The following SOHLH2 variants were observed in gnomAD, a reference collection of about 807,000 sequenced individuals.
SOHLH2 encodes spermatogenesis- and oogenesis-specific basic helix-loop-helix-containing protein 2.
A neutral mutation model predicts 50.4 loss-of-function variants in SOHLH2; 22 were observed. The observed-to-expected ratio is 0.44, with a 90% CI of 0.31 to 0.62. SOHLH2 has a LOEUF of 0.62. Ranked by LOEUF, SOHLH2 falls within the 20% of genes least tolerant of loss-of-function variation. The pLI, the probability that SOHLH2 is intolerant of heterozygous loss-of-function variation, is 0.08. For missense variants in SOHLH2, 412 were observed against 504.4 expected (o/e 0.82, Z 1.76); for synonymous variants, 185 against 187.3 (o/e 0.99, Z 0.10).
intron 6 of SOHLH2, chr13:36,182,381 T>C (rs1887281232): frequency 1.4e-6 from 1 of 691,972 alleles, no homozygotes; most frequent in Non-Finnish European, 1.8e-6. Flanking sequence ...TCCTCTTGAA[T>C]CTTCACTGGC....
At position 36,182,280 on chromosome 13, in the gene SOHLH2, A is replaced by T. The variant is rs891992552; in HGVS notation, c.642-7411T>A. 4 of 985,288 alleles carry T rather than the reference A, an allele frequency of 4.1e-6. No homozygotes were observed. The African/African-American group carries it at 5.2e-5, about 13-fold the overall frequency. 61.0% of individuals were successfully genotyped at this position (985,288 alleles called of 1,614,324 possible). On this transcript the variant is annotated intron_variant, in intron 6 of 10. Coordinates refer to ENST00000379881, the MANE Select transcript of SOHLH2 (RefSeq NM_017826.3). Reference sequence around the variant, plus strand: ...AGAGCCTGTTCTACTGCAAACAAGAATCTGAAATTTGGGTTAAAAAGATAA... The same window carrying T: ...AGAGCCTGTTCTACTGCAAACAAGATTCTGAAATTTGGGTTAAAAAGATAA...
intron 2 of SOHLH2, among the ~76,000 whole-genome samples, 185 bp downstream of exon 2, chr13:36,201,694 T>A (rs1044140923): frequency 6.6e-6 from 1 of 152,108 alleles, no homozygotes; most frequent in African/African-American, 2.4e-5. Context: ...GGTCTGGAAC[T>A]CCCGGGTTAA....
intron 2 of SOHLH2, among the ~76,000 whole-genome samples, chr13:36,200,434 T>C (rs2138315728): frequency 6.6e-6 from 1 of 152,300 alleles, no homozygotes; most frequent in East Asian, 1.9e-4. Flanking sequence ...TGTCTGTCTC[T>C]CTGTTTAATA....
intron 1 of SOHLH2, among the ~76,000 whole-genome samples, chr13:36,207,100 T>C (rs1346062228): frequency 2.0e-5 from 3 of 152,026 alleles, no homozygotes; most frequent in Non-Finnish European, 4.4e-5. Context: ...AAATAGCTTT[T>C]AATTGAATTT....
In SOHLH2 at chr13:36,168,859, TG is replaced by T; in HGVS notation, c.*174del. 1 of 1,123,444 alleles carries T rather than the reference TG, an allele frequency of 8.9e-7. No homozygotes were observed. Among genetic ancestry groups the T allele is most frequent in the Non-Finnish European group, 1.2e-6 (1 of 843,200 alleles). The allele number at this position is 1,123,444 out of a possible 1,614,324, so 69.6% of individuals were successfully genotyped here. A position where few individuals can be genotyped will look rare whatever the true frequency, so the allele number is the denominator to read the frequency against. On this transcript the variant is annotated 3_prime_UTR_variant, in exon 11 of 11. Coordinates refer to ENST00000379881, the MANE Select transcript of SOHLH2 (RefSeq NM_017826.3). Reference sequence around the variant, plus strand: ...AGTGTGTGGCCAGCTTTTTCGCTGCTGGTCTTTCTATCTGCAGAAGCTTTGA... The same window carrying T: ...AGTGTGTGGCCAGCTTTTTCGCTGCTGTCTTTCTATCTGCAGAAGCTTTGA...
intron 2 of SOHLH2, among the ~76,000 whole-genome samples, chr13:36,197,115 A>G (rs538204817): frequency 1.6e-4 from 25 of 152,338 alleles, no homozygotes; most frequent in African/African-American, 5.8e-4. Flanking sequence ...TCTTCTATAT[A>G]CCAAAATCAA....
chr13:36,193,757 T>C (rs746921430), intron 3 of SOHLH2, 32 bp from the exon 4 acceptor site: 4 of 1,604,274 alleles, frequency 2.5e-6, no homozygotes, highest in African/African-American at 2.7e-5. Flanking sequence ...ATTGACCTTA[T>C]AGTTTCTATT....
At chr13:36,185,932 AAACAT>A (rs539871890) in intron 6 of SOHLH2, among the ~76,000 whole-genome samples, 76 of 152,342 alleles carry the variant, frequency 5.0e-4, no homozygotes, top group African/African-American at 1.8e-3. Context: ...GAATCCTATC[AAACAT>A]AACATTTCTA....
chr13:36,197,788 C>T (rs1887778688), intron 2 of SOHLH2, among the ~76,000 whole-genome samples: 1 of 152,180 alleles, frequency 6.6e-6, no homozygotes, highest in African/African-American at 2.4e-5. Context: ...TCCCACTCGG[C>T]TCTCCCACAG....
rs1322493504 is a variant in SOHLH2 at position 36,191,950 on chromosome 13, C to T, written c.431-56G>A. 6.3e-6 allele frequency: 10 copies of T among 1,582,286 alleles called. No individual in the cohort carries two copies. The South Asian group carries it at 6.7e-5, about 11-fold the overall frequency. On this transcript the variant is annotated intron_variant, in intron 4 of 10. Transcript: ENST00000379881. Reference sequence around the variant, plus strand: ...TCTGAAGTCACTTAAGGAGATGACGCTAATCAAACACACAAGCCCCAATCC... The same window carrying T: ...TCTGAAGTCACTTAAGGAGATGACGTTAATCAAACACACAAGCCCCAATCC...
At position 36,214,500 on chromosome 13, in the gene SOHLH2, C is replaced by T; in HGVS notation, c.27G>A (p.Glu9=). ...TTACCTGGCCCGAGATCTGGCAGTG[C>T]TCCTGGCAGATAATTGAGGAAGCCA... MASSIICQ[E]HCQISGQAKI... The change falls in exon 1 of 11, where the codon GAG becomes GAA. Residue 9 remains glutamate (E), a synonymous_variant. Transcript: ENST00000379881. 2 of 1,613,040 alleles carry T rather than the reference C, an allele frequency of 1.2e-6. No individual in the cohort carries two copies. The highest frequency in any genetic ancestry group is 1.7e-6 in the Non-Finnish European group (2 of 1,179,566).
At chr13:36,169,146 T>A in intron 10 of SOHLH2, 92 bp from the exon 11 acceptor site, 1 of 1,454,016 alleles carries the variant, frequency 6.9e-7, no homozygotes, top group Non-Finnish European at 9.1e-7. Context: ...CCTAAAACAA[T>A]CTGAAATGAT....
rs140785186 is a variant in SOHLH2 at position 36,170,695 on chromosome 13, C to G, written c.1093G>C (p.Val365Leu). 1.2e-6 allele frequency: 2 copies of G among 1,614,158 alleles called. No individual in the cohort carries two copies. The highest frequency in any genetic ancestry group is 1.7e-6 in the Non-Finnish European group (2 of 1,180,018). The change falls in exon 10 of 11, where the codon GTC (valine) becomes CTC (leucine). Residue 365 changes from valine to leucine, a missense_variant. By Grantham distance (32) the Val-to-Leu change is conservative. Coordinates refer to ENST00000379881, the MANE Select transcript of SOHLH2 (RefSeq NM_017826.3). ...GGGGTGACTTTAGAATAATATCTGA[C>G]AGTATGCAAGGAATTCAGAGACAGC... is the stretch of plus-strand genomic sequence containing the variant. ...AALSLNSLHT[V>L]RYYSKVTPSY...
chr13:36,194,439 A>G (rs1180209897), intron 2 of SOHLH2, among the ~76,000 whole-genome samples: 1 of 152,160 alleles, frequency 6.6e-6, no homozygotes, highest in African/African-American at 2.4e-5. Flanking sequence ...CAATTAAAGT[A>G]TTTATGGATG....
intron 1 of SOHLH2, among the ~76,000 whole-genome samples, chr13:36,212,440 ATATT>A (rs764341120): frequency 2.6e-5 from 4 of 152,234 alleles, no homozygotes; most frequent in Admixed American, 6.5e-5. Context: ...ATAAATCTGA[ATATT>A]TATTTAGTTT....
In SOHLH2 at chr13:36,169,024, AC is replaced by A; in HGVS notation, c.*9del. On this transcript the variant is annotated 3_prime_UTR_variant, in exon 11 of 11. Transcript: ENST00000379881. ...AGGTGGTTGAGAGTGTGAATTTCAA[AC>A]ATGTGCTTTTAATACGCCCAAAACT... 1 of 1,605,920 alleles carries A rather than the reference AC, an allele frequency of 6.2e-7. No individual in the cohort carries two copies. The highest frequency in any genetic ancestry group is 1.1e-5 in the South Asian group (1 of 89,380).
intron 1 of SOHLH2, among the ~76,000 whole-genome samples, chr13:36,203,202 A>T (rs1868531858): frequency 6.6e-6 from 1 of 152,200 alleles, no homozygotes; most frequent in Non-Finnish European, 1.5e-5. Flanking sequence ...TCAAACATAT[A>T]AGTACGATAC....
chr13:36,193,725 C>T lies in SOHLH2; in HGVS notation c.326G>A (p.Gly109Asp), dbSNP rs1887642093. 1 of 1,606,424 alleles carries T rather than the reference C, an allele frequency of 6.2e-7. No homozygotes were observed. Among genetic ancestry groups the T allele is most frequent in the African/African-American group, 1.3e-5 (1 of 74,346 alleles). The change falls in exon 4 of 11, where the codon GGT (glycine) becomes GAT (aspartate). Residue 109 changes from glycine to aspartate, a missense_variant and splice_region_variant. Physicochemically the swap from Gly to Asp is moderately conservative, Grantham distance 94 (BLOSUM62 -1). Transcript: ENST00000379881. ...ATCCATTCCATGCCCTGAAATACAACCTAAGAATCTTTATATTAAATATTG... is the reference window on the plus strand; with the variant it reads ...ATCCATTCCATGCCCTGAAATACAATCTAAGAATCTTTATATTAAATATTG... ...FVFIIPENFK[G>D]CISGHGMDIA...
Position 36,170,621 on chromosome 13 carries a change from T to G in SOHLH2, c.1167A>C (p.Leu389Phe), listed in dbSNP as rs750357358. Residue 389 changes from leucine to phenylalanine, a missense_variant, in exon 10 of 11, where the codon TTA becomes TTC. Leu to Phe is a conservative substitution (Grantham distance 22). Transcript: ENST00000379881. ...AVTNQNISIH[L>F]PSAMPPVSKL... ...TTGAGACCGGGGGCATGGCTGAAGG[T>G]AAATGAATTGAAATGTTCTGATTTG... 1 of 1,614,160 alleles carries G rather than the reference T, an allele frequency of 6.2e-7. No individual in the cohort carries two copies. The highest frequency in any genetic ancestry group is 2.2e-5 in the East Asian group (1 of 44,880).
Sources: gnomAD v4.1 joint callset for allele counts (sites outside exome capture counted in the v4.1 genomes callset) on GRCh38, gnomAD v4.1.1 for gene constraint, MANE v1.5 for transcripts, NCBI Gene and HGNC (gene_info 2026-07-23, HGNC 2026-07-21) for gene names.